Variants in SPC24 observed in about 807,000 individuals in gnomAD.
The protein encoded by SPC24 is SPC24 component of NDC80 kinetochore complex, also known as kinetochore protein Spc24.
SPC24 carries 31 observed loss-of-function variants against 27.6 expected under a neutral mutation model. That is an observed-to-expected ratio of 1.12 (90% confidence interval 0.84 to 1.52). The LOEUF (loss-of-function observed/expected upper bound fraction) is 1.52. Ranked by LOEUF, SPC24 falls within the 40% of genes most tolerant of loss-of-function variation. SPC24 has a pLI of 0.00. For synonymous variants in SPC24, 105 were observed against 105.8 expected (o/e 0.99, Z 0.05); for missense variants, 284 against 252.5 (o/e 1.12, Z -0.84).
rs2077819245 is a variant in SPC24, at chr19:11,145,753, G to T, written c.*1430C>A. On this transcript the variant is annotated 3_prime_UTR_variant, in exon 5 of 5. Transcript: ENST00000592540. ...CCCACATTCCAGGAAATAGGAAGGG[G>T]GAAGAAAGGGTGTATTTGTCTTTTA... 6.6e-6 allele frequency: 1 copy of T among 152,200 alleles called. No homozygotes were observed. Among genetic ancestry groups the T allele is most frequent in the Non-Finnish European group, 1.5e-5 (1 of 68,054 alleles). 9.4% of individuals were successfully genotyped at this position (152,200 alleles called of 1,614,324 possible).
In SPC24 at chr19:11,147,908, C is replaced by CAAAAAAAAAAAAA. The variant is rs58845884; in HGVS notation, c.411-27_411-15dup. ...TGAGCCACGTACCTGTACAGGAAGA[C>CAAAAAAAAAAAAA]AAAAAAAAAAAAAAAAAAAAAAGAA... On this transcript the variant is annotated splice_polypyrimidine_tract_variant and intron_variant, in intron 3 of 4. Transcript: ENST00000592540. The CAAAAAAAAAAAAA allele has an allele frequency of 2.2e-5, 25 of 1,115,802 alleles. 1 individual carries two copies. Among genetic ancestry groups the CAAAAAAAAAAAAA allele is most frequent in the South Asian group, 1.5e-4 (9 of 61,554 alleles). 69.1% of individuals were successfully genotyped at this position (1,115,802 alleles called of 1,614,324 possible).
chr19:11,147,316 G>C, intron 4 of SPC24, 27 bp from the exon 5 acceptor site: 1 of 1,478,132 alleles, frequency 6.8e-7, no homozygotes, highest in Non-Finnish European at 9.2e-7. Flanking sequence ...AGGAAAGCCC[G>C]GGACACACAG....
intron 4 of SPC24, 35 bp from the exon 5 acceptor site, chr19:11,147,324 C>G: frequency 7.1e-7 from 1 of 1,407,506 alleles, no homozygotes; most frequent in Non-Finnish European, 9.7e-7. Flanking sequence ...CCGGGACACA[C>G]AGCCCCTCAC....
Position 11,147,219 on chromosome 19 carries a change from G to A in SPC24, c.558C>T (p.Ser186=), listed in dbSNP as rs562200114. Residue 186 remains serine, a synonymous_variant, in exon 5 of 5, where the codon AGC becomes AGT. Transcript: ENST00000592540. ...DSTQLSRKFI[S]DYLWSLVDTE... ...TGTCCACCAGACTCCAGAGGTAGTC[G>A]CTGATGAATTTCCTGGAGAGCTGGG... The A allele has an allele frequency of 1.4e-5, 22 of 1,558,934 alleles. No individual in the cohort carries two copies. The highest frequency in any genetic ancestry group is 3.3e-4 in the Middle Eastern group (2 of 5,992).
At chr19:11,149,355 T>C in intron 1 of SPC24, 117 bp from the exon 2 acceptor site, 2 of 955,330 alleles carry the variant, frequency 2.1e-6, no homozygotes, top group Non-Finnish European at 2.9e-6. Flanking sequence ...TGCAGCCCTG[T>C]GTCCAGAGAG....
chr19:11,152,796 A>G (rs953075457), intron 1 of SPC24, among the ~76,000 whole-genome samples: 1 of 152,092 alleles, frequency 6.6e-6, no homozygotes, highest in African/African-American at 2.4e-5. Flanking sequence ...GAAGGAGGGA[A>G]GAGCCTGCTT....
chr19:11,147,326 G>A (rs1268302380), intron 4 of SPC24, 37 bp from the exon 5 acceptor site: 2 of 1,409,238 alleles, frequency 1.4e-6, no homozygotes, highest in Non-Finnish European at 1.9e-6. Context: ...GGGACACACA[G>A]CCCCTCACAC....
Position 11,146,540 on chromosome 19 carries a change from C to CGGGT in SPC24, c.*642_*643insACCC. ...CAGCACTTTGGGAGGCCAAGGCGGG[C>CGGGT]AGATCACAAACTCAGGAGATGGAGA... On this transcript the variant is annotated 3_prime_UTR_variant, in exon 5 of 5. Transcript: ENST00000592540. 1 of 144,308 alleles carries CGGGT rather than the reference C, an allele frequency of 6.9e-6. No homozygotes were observed. Among genetic ancestry groups the CGGGT allele is most frequent in the Non-Finnish European group, 1.5e-5 (1 of 67,052 alleles). The allele number at this position is 144,308 out of a possible 1,614,324, so 8.9% of individuals were successfully genotyped here.
At chr19:11,153,076 C>T (rs9305021) in intron 1 of SPC24, among the ~76,000 whole-genome samples, 5,075 of 152,016 alleles carry the variant, frequency 0.033, 289 homozygotes, top group African/African-American at 0.12. Flanking sequence ...CAGGGAGAAC[C>T]GTATGGCGGT....
chr19:11,149,285 A>G (rs1487713809), intron 1 of SPC24, 47 bp from the exon 2 acceptor site: 8 of 1,412,128 alleles, frequency 5.7e-6, no homozygotes, highest in Non-Finnish European at 6.5e-6. Context: ...TCCTTCCCCA[A>G]GGAGAGCAGA....
intron 1 of SPC24, 32 bp downstream of exon 1, chr19:11,155,585 C>G: frequency 6.5e-7 from 1 of 1,528,164 alleles, no homozygotes; most frequent in East Asian, 2.5e-5. Flanking sequence ...GCCCCTTCCC[C>G]CGTGGGCCCG....
intron 1 of SPC24, among the ~76,000 whole-genome samples, chr19:11,151,907 CT>C (rs34224957): frequency 1.1e-3 from 156 of 143,150 alleles, no homozygotes; most frequent in Admixed American, 1.1e-3. Flanking sequence ...CGCACCAGGC[CT>C]TTTTTTTTTT....
chr19:11,152,763 G>T lies in SPC24; in HGVS notation c.160+2854C>A, dbSNP rs138190776. Reference sequence around the variant, plus strand: ...AGCCATCAAAGGAGGGGGAGTTAATGGAGGGGTGGAAGAAGGAGGAGGGAA... The same window carrying T: ...AGCCATCAAAGGAGGGGGAGTTAATTGAGGGGTGGAAGAAGGAGGAGGGAA... On this transcript the variant is annotated intron_variant, in intron 1 of 4. Coordinates refer to ENST00000592540, the MANE Select transcript of SPC24 (RefSeq NM_182513.4). Among the ~76,000 whole-genome samples, 116 of 152,162 alleles carry T rather than the reference G, an allele frequency of 7.6e-4. 1 individual carries two copies. Among genetic ancestry groups the T allele is most frequent in the Middle Eastern group, 3.4e-3 (1 of 294 alleles).
At chr19:11,149,294 G>A in intron 1 of SPC24, 56 bp from the exon 2 acceptor site, 1 of 1,394,072 alleles carries the variant, frequency 7.2e-7, no homozygotes, top group Non-Finnish European at 9.4e-7. Flanking sequence ...AAGGAGAGCA[G>A]AGAGAAGGTG....
At chr19:11,148,224 T>C (rs1430225021) in intron 2 of SPC24, 107 bp from the exon 3 acceptor site, 1 of 715,028 alleles carries the variant, frequency 1.4e-6, no homozygotes, top group Non-Finnish European at 2.4e-6. Flanking sequence ...ACTCTCTTCT[T>C]TGAGTCAGAG....
In SPC24 at chr19:11,149,116, T is replaced by G. The variant is rs1600787812; in HGVS notation, c.283A>C (p.Thr95Pro). The G allele has an allele frequency of 6.5e-7, 1 of 1,545,464 alleles. No homozygotes were observed. Among genetic ancestry groups the G allele is most frequent in the Non-Finnish European group, 8.7e-7 (1 of 1,145,334 alleles). ...TATAGGAGGCTGGCCTTCAGACGGG[T>G]GTCCTCCTCCCCAGCCTCCTGAAGC... ...AGLQEAGEEDTRLKASLLQLT... is the reference protein window; with the variant it reads ...AGLQEAGEEDPRLKASLLQLT... The change falls in exon 2 of 5, where the codon ACC becomes CCC. Residue 95 changes from threonine to proline, a missense_variant. Coordinates refer to ENST00000592540, the MANE Select transcript of SPC24 (RefSeq NM_182513.4).
At chr19:11,148,833 G>C (rs1471728295) in intron 2 of SPC24, among the ~76,000 whole-genome samples, 2 of 149,738 alleles carry the variant, frequency 1.3e-5, no homozygotes, top group African/African-American at 2.5e-5. Flanking sequence ...AGCCAGGATG[G>C]TCTCGATCTC....
intron 1 of SPC24, 42 bp from the exon 2 acceptor site, chr19:11,149,280 C>T: frequency 2.8e-6 from 4 of 1,425,050 alleles, no homozygotes; most frequent in Non-Finnish European, 3.7e-6. Flanking sequence ...GTCTGTCCTT[C>T]CCCAAGGAGA....
intron 1 of SPC24, among the ~76,000 whole-genome samples, chr19:11,153,536 C>T (rs112624210): frequency 2.0e-5 from 3 of 147,872 alleles, no homozygotes; most frequent in Admixed American, 6.7e-5. Flanking sequence ...CCGAGGCGGG[C>T]GGATCACGAG....
Sources: allele counts gnomAD v4.1 joint callset (sites outside exome capture counted in the v4.1 genomes callset), GRCh38; gene constraint gnomAD v4.1.1; transcripts MANE v1.5; gene names NCBI Gene and HGNC (gene_info 2026-07-23, HGNC 2026-07-21).